NOL6: variants seen among roughly 807,000 people sequenced by gnomAD.
NOL6 encodes the protein nucleolar protein 6.
NOL6 carries 33 observed loss-of-function variants against 131.7 expected under a neutral mutation model. That is an observed-to-expected ratio of 0.25 (90% confidence interval 0.19 to 0.33). The LOEUF (loss-of-function observed/expected upper bound fraction) is 0.33, where lower values mean the gene tolerates loss of function less well. NOL6 is among the 10% of genes least tolerant of loss of function. The pLI, the probability that NOL6 is intolerant of heterozygous loss-of-function variation, is 1.00. For synonymous variants in NOL6, 580 were observed against 605.7 expected (o/e 0.96, Z 0.62); for missense variants, 1,297 against 1,494.5 (o/e 0.87, Z 2.18).
chr9:33,463,333 G>A lies in NOL6; in HGVS notation c.3103C>T (p.Arg1035Trp), dbSNP rs781622406. The stretch of plus-strand genomic sequence containing the variant: ...GGCCCCGGCTGGCTGAGCAGGCCCC[G>A]GCAGAAGGAGGCAGCTGGCGAGTCC... The part of the protein sequence containing the change: ...AVDSPAASFC[R>W]GLLSQPGPSS... Residue 1035 changes from arginine (R) to tryptophan (W), a missense_variant, in exon 24 of 26, where the codon CGG becomes TGG. Coordinates refer to ENST00000297990, the MANE Select transcript of NOL6 (RefSeq NM_022917.5). 1.4e-5 allele frequency: 22 copies of A among 1,613,942 alleles called. No homozygotes were observed. The highest frequency in any genetic ancestry group is 1.6e-5 in the Non-Finnish European group (19 of 1,179,988).
Position 33,465,279 on chromosome 9 carries a change from C to G in NOL6, c.2609G>C (p.Gly870Ala). The G allele has an allele frequency of 1.3e-6, 2 of 1,596,632 alleles. No homozygotes were observed. Among genetic ancestry groups the G allele is most frequent in the African/African-American group, 2.7e-5 (2 of 74,648 alleles). ...CAGATCCAGGCTCTCATCAGCGAAACCCTCACCAAGAAGCTGGGCACGCAC... is the reference window on the plus strand; with the variant it reads ...CAGATCCAGGCTCTCATCAGCGAAAGCCTCACCAAGAAGCTGGGCACGCAC... ...RWVRAQLLGE[G>A]FADESLDLVA... The change falls in exon 20 of 26, where the codon GGT becomes GCT. Residue 870 changes from glycine to alanine, a missense_variant. Coordinates refer to ENST00000297990, the MANE Select transcript of NOL6 (RefSeq NM_022917.5).
Position 33,467,286 on chromosome 9 carries a change from G to C in NOL6, c.1726-24C>G. On this transcript the variant is annotated intron_variant, in intron 13 of 25. Transcript: ENST00000297990. This position sits in a 1 kb window ranked among gnomAD's most constrained non-coding sequence, Gnocchi z 4.4. ...GCCTGAGGAGGCAAGGGTGGTAGTA[G>C]AGCTGGGGAAGGAAGGGCTCTGTGG... The C allele has an allele frequency of 3.1e-6, 5 of 1,612,936 alleles. No homozygotes were observed. Among genetic ancestry groups the C allele is most frequent in the Non-Finnish European group, 4.2e-6 (5 of 1,179,022 alleles).
rs775811320 is a variant in NOL6, at chr9:33,469,209, T to C, written c.860A>G (p.Asp287Gly). The C allele has an allele frequency of 6.2e-7, 1 of 1,614,144 alleles. No homozygotes were observed. The highest frequency in any genetic ancestry group is 1.1e-5 in the South Asian group (1 of 91,084). ...CCTCAACACCAGGGCCTGCTCACCATCCCCTGCAGGACTCTGCCCTCGGTA... is the reference window on the plus strand; with the variant it reads ...CCTCAACACCAGGGCCTGCTCACCACCCCCTGCAGGACTCTGCCCTCGGTA... ...AWYRGQSPAG[D>G]GSPEPPTPRY... is the part of the protein sequence containing the mutation. Residue 287 changes from aspartate (D) to glycine (G), a missense_variant and splice_region_variant, in exon 6 of 26, where the codon GAT becomes GGT. Coordinates refer to ENST00000297990, the MANE Select transcript of NOL6 (RefSeq NM_022917.5).
Position 33,467,306 on chromosome 9 carries a change from C to T in NOL6, c.1726-44G>A. 1 of 1,610,880 alleles carries T rather than the reference C, an allele frequency of 6.2e-7. No individual in the cohort carries two copies. Among genetic ancestry groups the T allele is most frequent in the Non-Finnish European group, 8.5e-7 (1 of 1,177,368 alleles). On this transcript the variant is annotated intron_variant, in intron 13 of 25. Transcript: ENST00000297990. The surrounding 1 kb of genome is among the most constrained non-coding windows in gnomAD (Gnocchi z 4.4). ...TAGTAGAGCTGGGGAAGGAAGGGCTCTGTGGACCCTCCCCAACAAGCTTCA... is the reference window on the plus strand; with the variant it reads ...TAGTAGAGCTGGGGAAGGAAGGGCTTTGTGGACCCTCCCCAACAAGCTTCA...
intron 1 of NOL6, among the ~76,000 whole-genome samples, chr9:33,472,895 C>T (rs1015534407): frequency 6.6e-6 from 1 of 151,588 alleles, no homozygotes; most frequent in African/African-American, 2.4e-5. Context: ...ATCACTTGAA[C>T]CCAGGAGGCA....
At position 33,464,277 on chromosome 9, in the gene NOL6, C is replaced by T. The variant is rs985048292; in HGVS notation, c.2780-116G>A. ...TGCTCATCACAGGTATTTTTCAACACTCCCCCCCACCAAGTGGCAAAGGTG... is the reference window on the plus strand; with the variant it reads ...TGCTCATCACAGGTATTTTTCAACATTCCCCCCCACCAAGTGGCAAAGGTG... On this transcript the variant is annotated intron_variant, in intron 21 of 25. Transcript: ENST00000297990. 1.2e-5 allele frequency: 14 copies of T among 1,216,770 alleles called. No homozygotes were observed. In the East Asian group the frequency reaches 2.3e-4, roughly 20 times the overall value. The allele number at this position is 1,216,770 out of a possible 1,614,324, so 75.4% of individuals were successfully genotyped here.
Position 33,463,859 on chromosome 9 carries a change from A to G in NOL6, c.2966T>C (p.Met989Thr). The change falls in exon 23 of 26, where the codon ATG (methionine) becomes ACG (threonine). Residue 989 changes from methionine (M) to threonine (T), a missense_variant. By Grantham distance (81) the Met-to-Thr change is moderately conservative (BLOSUM62 -1). Coordinates refer to ENST00000297990, the MANE Select transcript of NOL6 (RefSeq NM_022917.5). Reference sequence around the variant, plus strand: ...GATGTCCCCAGGTCCCCGGGGATCCATGAGCTGCTTCTCTAACATGGGCAG... The same window carrying G: ...GATGTCCCCAGGTCCCCGGGGATCCGTGAGCTGCTTCTCTAACATGGGCAG... ...EALPMLEKQL[M>T]DPRGPGDIRT... 1 of 1,614,102 alleles carries G rather than the reference A, an allele frequency of 6.2e-7. No individual in the cohort carries two copies. Among genetic ancestry groups the G allele is most frequent in the South Asian group, 1.1e-5 (1 of 91,080 alleles).
At chr9:33,463,958 G>A (rs767228279) in intron 22 of NOL6, 38 bp from the exon 23 acceptor site, 45 of 1,613,852 alleles carry the variant, frequency 2.8e-5, no homozygotes, top group Non-Finnish European at 3.6e-5. Flanking sequence ...AACTGAAGTG[G>A]GTCTCTCCCA....
Position 33,467,390 on chromosome 9 carries a change from C to T in NOL6, c.1725+4G>A. 3 of 1,613,996 alleles carry T rather than the reference C, an allele frequency of 1.9e-6. No individual in the cohort carries two copies. Among genetic ancestry groups the T allele is most frequent in the Middle Eastern group, 1.6e-4 (1 of 6,062 alleles). On this transcript the variant is annotated splice_donor_region_variant and intron_variant, in intron 13 of 25. Coordinates refer to ENST00000297990, the MANE Select transcript of NOL6 (RefSeq NM_022917.5). This position sits in a 1 kb window ranked among gnomAD's most constrained non-coding sequence, Gnocchi z 4.4. ...CTTCCAGTGTACATGCTGGGGTCCC[C>T]CACCTCAGGCTGGTCTGCCTCTGGA...
rs1827352453 is a variant in NOL6 at position 33,469,618 on chromosome 9, C to T, written c.608G>A (p.Arg203His). Residue 203 changes from arginine (R) to histidine (H), a missense_variant, in exon 5 of 26, where the codon CGT becomes CAT. Coordinates refer to ENST00000297990, the MANE Select transcript of NOL6 (RefSeq NM_022917.5). ...DGLNQRYFRKRALYLAHLAHH... is the reference protein window; with the variant it reads ...DGLNQRYFRKHALYLAHLAHH... ...AGCCAAGTGGGCCAGGTAGAGGGCA[C>T]GCTTGCGGAAGTAGCGCTGGTTCAG... The T allele has an allele frequency of 6.2e-7, 1 of 1,612,728 alleles. No individual in the cohort carries two copies. Among genetic ancestry groups the T allele is most frequent in the Non-Finnish European group, 8.5e-7 (1 of 1,179,608 alleles).
rs900291766 is a variant in NOL6 at position 33,466,498 on chromosome 9, G to C, written c.2091+71C>G. Reference sequence around the variant, plus strand: ...TGCCCAGAGTCAGGAGTTGGAAGTGGGGAATACTGGGTGACTGGAGCAGAG... The same window carrying C: ...TGCCCAGAGTCAGGAGTTGGAAGTGCGGAATACTGGGTGACTGGAGCAGAG... On this transcript the variant is annotated intron_variant, in intron 16 of 25. Coordinates refer to ENST00000297990, the MANE Select transcript of NOL6 (RefSeq NM_022917.5). 1.9e-6 allele frequency: 3 copies of C among 1,611,626 alleles called. No homozygotes were observed. In the African/African-American group the frequency reaches 4.0e-5, roughly 22 times the overall value.
intron 3 of NOL6, 99 bp downstream of exon 3, chr9:33,471,905 A>G (rs1233183633): frequency 1.1e-6 from 1 of 871,424 alleles, no homozygotes; most frequent in Non-Finnish European, 1.9e-6. Context: ...AGCTCCCTGC[A>G]CCCCAACCCT....
At position 33,464,180 on chromosome 9, in the gene NOL6, C is replaced by A; in HGVS notation, c.2780-19G>T. ...TCCTCCACTAGAGACAAGAATGGGTCCTGGGTCAGCCTGCTCCTCCCTGTA... is the reference window on the plus strand; with the variant it reads ...TCCTCCACTAGAGACAAGAATGGGTACTGGGTCAGCCTGCTCCTCCCTGTA... On this transcript the variant is annotated intron_variant, in intron 21 of 25. Coordinates refer to ENST00000297990, the MANE Select transcript of NOL6 (RefSeq NM_022917.5). 1.3e-6 allele frequency: 2 copies of A among 1,587,752 alleles called. No homozygotes were observed. The highest frequency in any genetic ancestry group is 1.7e-6 in the Non-Finnish European group (2 of 1,166,640).
chr9:33,462,990 A>C, intron 25 of NOL6, 43 bp downstream of exon 25: 1 of 1,580,556 alleles, frequency 6.3e-7, no homozygotes, highest in Non-Finnish European at 8.7e-7. Flanking sequence ...ACACAGAACC[A>C]CGTGCACACA....
At position 33,471,912 on chromosome 9, in the gene NOL6, C is replaced by A. The variant is rs531277521; in HGVS notation, c.378+92G>T. 1.6e-5 allele frequency: 15 copies of A among 938,642 alleles called. No homozygotes were observed. The South Asian group carries it at 1.7e-4, about 11-fold the overall frequency. The allele number at this position is 938,642 out of a possible 1,614,324, so 58.1% of individuals were successfully genotyped here. A position where few individuals can be genotyped will look rare whatever the true frequency, so the allele number is the denominator to read the frequency against. Reference sequence around the variant, plus strand: ...TGAGAATGAGCTCCCTGCACCCCAACCCTTAAACAGAGTAACAGCAAGGCC... The same window carrying A: ...TGAGAATGAGCTCCCTGCACCCCAAACCTTAAACAGAGTAACAGCAAGGCC... On this transcript the variant is annotated intron_variant, in intron 3 of 25. Coordinates refer to ENST00000297990, the MANE Select transcript of NOL6 (RefSeq NM_022917.5).
Position 33,469,572 on chromosome 9 carries a change from G to A in NOL6, c.654C>T (p.Pro218=). 1 of 1,608,730 alleles carries A rather than the reference G, an allele frequency of 6.2e-7. No homozygotes were observed. The highest frequency in any genetic ancestry group is 8.5e-7 in the Non-Finnish European group (1 of 1,178,560). Residue 218 remains proline, a synonymous_variant, in exon 5 of 26, where the codon CCC becomes CCT. Coordinates refer to ENST00000297990, the MANE Select transcript of NOL6 (RefSeq NM_022917.5). ...AHLAHHLAQD[P]LFGSVCFSYT... Reference sequence around the variant, plus strand: ...AGGAGAAGCAAACACTGCCAAAGAGGGGGTCCTGGGCCAGGTGGTGAGCCA... The same window carrying A: ...AGGAGAAGCAAACACTGCCAAAGAGAGGGTCCTGGGCCAGGTGGTGAGCCA...
chr9:33,465,066 G>A, intron 20 of NOL6, 90 bp from the exon 21 acceptor site: 1 of 1,437,566 alleles, frequency 7.0e-7, no homozygotes, highest in Non-Finnish European at 9.6e-7. Flanking sequence ...CCCTGGTGTG[G>A]ATTGGCAGGG....
rs1296191782 is a variant in NOL6, at chr9:33,462,824, C to G, written c.3292-11G>C. Reference sequence around the variant, plus strand: ...CTTTGTGCTGGAGGCCTGGGGAAATCAGAGAAGAGATGTGGGTTGAGTGTC... The same window carrying G: ...CTTTGTGCTGGAGGCCTGGGGAAATGAGAGAAGAGATGTGGGTTGAGTGTC... On this transcript the variant is annotated splice_polypyrimidine_tract_variant and intron_variant, in intron 25 of 25. Coordinates refer to ENST00000297990, the MANE Select transcript of NOL6 (RefSeq NM_022917.5). 6.2e-7 allele frequency: 1 copy of G among 1,613,704 alleles called. No homozygotes were observed. The highest frequency in any genetic ancestry group is 8.5e-7 in the Non-Finnish European group (1 of 1,179,842).
At chr9:33,466,275 ATCCCTCCCAC>A in intron 17 of NOL6, 23 bp downstream of exon 17, 1 of 1,613,462 alleles carries the variant, frequency 6.2e-7, no homozygotes, top group Non-Finnish European at 8.5e-7. Context: ...AGCTGGAACT[ATCCCTCCCAC>A]TCCCTCCCAA....
Sources: allele counts gnomAD v4.1 joint callset (sites outside exome capture counted in the v4.1 genomes callset), GRCh38; gene constraint gnomAD v4.1.1; non-coding constraint Gnocchi (gnomAD v3.1); transcripts MANE v1.5; gene names NCBI Gene and HGNC (gene_info 2026-07-23, HGNC 2026-07-21).